ARHGAP24: variants seen among roughly 807,000 people sequenced by gnomAD.
ARHGAP24 encodes the protein Rho GTPase activating protein 24.
Under a neutral mutation model 76.4 loss-of-function variants are expected in ARHGAP24, and 50 were observed. The observed-to-expected ratio is 0.65, with a 90% CI of 0.52 to 0.83. The LOEUF is 0.83. Among genes scored for constraint, ARHGAP24 ranks in the 40% least tolerant of loss-of-function variants. ARHGAP24 has a pLI of 0.00. For synonymous variants in ARHGAP24, 345 were observed against 323.3 expected, an observed-to-expected ratio of 1.07 and a Z score of -0.72; for missense variants, 930 against 914.2, an observed-to-expected ratio of 1.02 and a Z score of -0.22.
chr4:85,725,245 T>C (rs1342372907), intron 3 of ARHGAP24, among the ~76,000 whole-genome samples: 1 of 152,194 alleles, frequency 6.6e-6, no homozygotes, highest in Admixed American at 6.5e-5. Flanking sequence ...CTTTCTTGCT[T>C]TTTACTGTAT....
chr4:85,767,146 G>A (rs1188286988), intron 3 of ARHGAP24, among the ~76,000 whole-genome samples: 2 of 152,140 alleles, frequency 1.3e-5, no homozygotes, highest in Non-Finnish European at 2.9e-5. Flanking sequence ...ACAATGTAAA[G>A]TGGCCTAATT....
At chr4:85,853,067 G>A (rs1355209039) in intron 3 of ARHGAP24, among the ~76,000 whole-genome samples, 1 of 152,218 alleles carries the variant, frequency 6.6e-6, no homozygotes, top group Non-Finnish European at 1.5e-5. Context: ...GTTCAGCTAT[G>A]CCCTGCCACC....
At chr4:85,944,813 GA>G (rs1180198103) in intron 5 of ARHGAP24, among the ~76,000 whole-genome samples, 1 of 152,126 alleles carries the variant, frequency 6.6e-6, no homozygotes, top group Non-Finnish European at 1.5e-5. Flanking sequence ...GTGATGACAT[GA>G]ATATCATCAT....
chr4:85,901,000 C>T (rs2148790517), intron 3 of ARHGAP24, among the ~76,000 whole-genome samples: 1 of 152,274 alleles, frequency 6.6e-6, no homozygotes. Context: ...TATTGGTCCA[C>T]TTAAAATTTT....
rs189702913 is a variant in ARHGAP24 at position 85,912,317 on chromosome 4, A to C, written c.269-11331A>C. Among the ~76,000 whole-genome samples the C allele has an allele frequency of 5.7e-3, 875 of 152,270 alleles. 2 individuals carry two copies. Among genetic ancestry groups the C allele is most frequent in the Non-Finnish European group, 9.3e-3 (633 of 68,002 alleles). On this transcript the variant is annotated intron_variant, in intron 3 of 9. Transcript: ENST00000395184. ...AGTTTAAATTCCAGGCCCATAAGAA[A>C]AATTTCACATCCTGCTCTCCCACAC...
At chr4:85,630,324 T>G (rs1721117984) in intron 2 of ARHGAP24, among the ~76,000 whole-genome samples, 1 of 152,224 alleles carries the variant, frequency 6.6e-6, no homozygotes, top group Non-Finnish European at 1.5e-5. Flanking sequence ...TTTGAATTCT[T>G]TTTCAGACAA....
chr4:85,724,107 T>C (rs1024125808), intron 3 of ARHGAP24, among the ~76,000 whole-genome samples: 4 of 152,204 alleles, frequency 2.6e-5, no homozygotes, highest in Non-Finnish European at 5.9e-5. Context: ...GTAATGTGTA[T>C]AGAACCCTCG....
At chr4:85,525,759 A>T (rs1332671848) in intron 1 of ARHGAP24, among the ~76,000 whole-genome samples, 1 of 152,154 alleles carries the variant, frequency 6.6e-6, no homozygotes, top group Non-Finnish European at 1.5e-5. Flanking sequence ...AATCCTAGAA[A>T]AGAGCATCCC....
intron 4 of ARHGAP24, among the ~76,000 whole-genome samples, chr4:85,925,727 A>G (rs529023955): frequency 6.6e-6 from 1 of 152,212 alleles, no homozygotes; most frequent in Non-Finnish European, 1.5e-5. Flanking sequence ...GTTCAGTAAT[A>G]TCTGAGATTT....
intron 3 of ARHGAP24, among the ~76,000 whole-genome samples, chr4:85,820,090 C>T (rs996899942): frequency 1.3e-5 from 2 of 152,052 alleles, no homozygotes; most frequent in Admixed American, 1.3e-4. Context: ...TTTCAAAGAA[C>T]TCAAAAGCAG....
intron 3 of ARHGAP24, among the ~76,000 whole-genome samples, chr4:85,908,054 G>A (rs191387116): frequency 2.6e-5 from 4 of 152,266 alleles, no homozygotes; most frequent in African/African-American, 9.6e-5. Context: ...CTGCAGAAGA[G>A]ACACTTGAGC....
intron 8 of ARHGAP24, among the ~76,000 whole-genome samples, chr4:85,980,952 A>G (rs754992828): frequency 2.0e-5 from 3 of 152,242 alleles, no homozygotes; most frequent in Non-Finnish European, 4.4e-5. Flanking sequence ...ACGCATTTAC[A>G]ATAGGGAAGA....
chr4:85,798,117 A>C (rs566063749), intron 3 of ARHGAP24, among the ~76,000 whole-genome samples: 1 of 152,308 alleles, frequency 6.6e-6, no homozygotes, highest in South Asian at 2.1e-4. Context: ...TTCTGTTAAA[A>C]CTGAATCAAA....
At chr4:85,948,709 G>T (rs1242200867) in intron 5 of ARHGAP24, among the ~76,000 whole-genome samples, 1 of 152,112 alleles carries the variant, frequency 6.6e-6, no homozygotes, top group African/African-American at 2.4e-5. Flanking sequence ...CATAAAAAAA[G>T]GTTTCTATTG....
rs57600561 is a variant in ARHGAP24, at chr4:85,831,900, TAA to T, written c.269-91732_269-91731del. ...TTGGGCAACAGAGTGAGACTCTATC[TAA>T]AAAAAAAAAAAAAAAGTCTCCTTTT... On this transcript the variant is annotated intron_variant, in intron 3 of 9. Transcript: ENST00000395184. Among the ~76,000 whole-genome samples the T allele has an allele frequency of 0.027, 3,712 of 137,324 alleles. 255 individuals are homozygous for T. In the East Asian group the frequency reaches 0.29, roughly 11 times the overall value. The allele number at this position is 137,324 out of a possible 152,430, so 90.1% of individuals were successfully genotyped here.
chr4:85,761,878 A>G (rs1017437408), intron 3 of ARHGAP24, among the ~76,000 whole-genome samples: 1 of 152,166 alleles, frequency 6.6e-6, no homozygotes, highest in African/African-American at 2.4e-5. Context: ...CACTGAACCA[A>G]CAAATGGTTT....
At chr4:85,727,976 C>G (rs1325969775) in intron 3 of ARHGAP24, among the ~76,000 whole-genome samples, 1 of 151,152 alleles carries the variant, frequency 6.6e-6, no homozygotes, top group African/African-American at 2.4e-5. Context: ...GAAGGATAAT[C>G]TAAAGTGATT....
At position 85,972,174 on chromosome 4, in the gene ARHGAP24, T is replaced by A; in HGVS notation, c.732+6T>A. 6.2e-7 allele frequency: 1 copy of A among 1,613,344 alleles called. No homozygotes were observed. The highest frequency in any genetic ancestry group is 8.5e-7 in the Non-Finnish European group (1 of 1,179,940). On this transcript the variant is annotated splice_donor_region_variant and intron_variant, in intron 6 of 9. Transcript: ENST00000395184. The stretch of plus-strand genomic sequence containing the variant: ...TCAGCAAGGAAGAGGAAGCAGTAAG[T>A]TGATGCATTTATTTCCAAATAAGCT...
intron 5 of ARHGAP24, among the ~76,000 whole-genome samples, chr4:85,956,458 T>C (rs1489626934): frequency 6.6e-6 from 1 of 152,178 alleles, no homozygotes; most frequent in African/African-American, 2.4e-5. Context: ...GTGGGCCGCT[T>C]CCAAAATGGT....
Sources: gnomAD v4.1 joint callset for allele counts (sites outside exome capture counted in the v4.1 genomes callset) on GRCh38, gnomAD v4.1.1 for gene constraint, MANE v1.5 for transcripts, NCBI Gene and HGNC (gene_info 2026-07-23, HGNC 2026-07-21) for gene names.